FGGY: variants seen among roughly 807,000 people sequenced by gnomAD.
FGGY encodes FGGY carbohydrate kinase domain containing.
A neutral mutation model predicts 71.3 loss-of-function variants in FGGY; 72 were observed. The ratio of observed to expected loss-of-function variants is 1.01; its 90% CI spans 0.84 to 1.23. FGGY has a LOEUF of 1.23. Ranked by LOEUF, FGGY falls within the 50% of genes most tolerant of loss-of-function variation. FGGY has a pLI of 0.00. For synonymous variants in FGGY, 251 were observed against 250.3 expected, an observed-to-expected ratio of 1.00 and a Z score of -0.02; for missense variants, 668 against 682.3, an observed-to-expected ratio of 0.98 and a Z score of 0.23.
At chr1:59,636,024 A>G (rs2096955337) in intron 10 of FGGY, among the ~76,000 whole-genome samples, 1 of 152,192 alleles carries the variant, frequency 6.6e-6, no homozygotes, top group Admixed American at 6.5e-5. Context: ...CATTTAGGGA[A>G]TGGCAACTGG....
intron 6 of FGGY, among the ~76,000 whole-genome samples, chr1:59,477,679 G>A (rs529075197): frequency 6.6e-4 from 101 of 152,156 alleles, no homozygotes; most frequent in African/African-American, 2.0e-3. Context: ...TCTATTATGA[G>A]GGGGGAAAAA....
intron 7 of FGGY, among the ~76,000 whole-genome samples, chr1:59,550,103 T>C (rs2095585225): frequency 6.6e-6 from 1 of 152,206 alleles, no homozygotes; most frequent in East Asian, 1.9e-4. Flanking sequence ...TCACTGTTTT[T>C]TTATGCCTGT....
intron 9 of FGGY, among the ~76,000 whole-genome samples, chr1:59,616,711 G>A (rs1572156668): frequency 6.6e-6 from 1 of 151,456 alleles, no homozygotes; most frequent in African/African-American, 2.4e-5. Context: ...TTTGTGAGAG[G>A]GATTTATAGA....
chr1:59,493,813 C>T (rs1426287518), intron 6 of FGGY, among the ~76,000 whole-genome samples: 1 of 151,878 alleles, frequency 6.6e-6, no homozygotes, highest in Admixed American at 6.6e-5. Flanking sequence ...TATATTTTAC[C>T]ACAATTAAAA....
At chr1:59,720,184 A>C (rs901674356) in intron 14 of FGGY, among the ~76,000 whole-genome samples, 1 of 152,224 alleles carries the variant, frequency 6.6e-6, no homozygotes. Context: ...ATAGAGATAG[A>C]AAAGGCAACA....
intron 7 of FGGY, among the ~76,000 whole-genome samples, chr1:59,535,871 G>C (rs1211609602): frequency 6.8e-6 from 1 of 147,516 alleles, no homozygotes; most frequent in Non-Finnish European, 1.5e-5. Context: ...ATGCCCACAA[G>C]AGAAAGCAGG....
intron 4 of FGGY, among the ~76,000 whole-genome samples, chr1:59,350,018 A>C (rs1248051825): frequency 6.6e-6 from 1 of 151,600 alleles, no homozygotes; most frequent in Non-Finnish European, 1.5e-5. Context: ...CTTTTGGGGA[A>C]TCAGGGAATG....
rs561309781 is a variant in FGGY at position 59,658,359 on chromosome 1, A to G, written c.1222-1860A>G. 2.2e-4 allele frequency among the ~76,000 whole-genome samples: 33 copies of G among 152,338 alleles called. No individual in the cohort carries two copies. The South Asian group carries it at 5.4e-3, about 25-fold the overall frequency. On this transcript the variant is annotated intron_variant, in intron 11 of 15. Transcript: ENST00000303721. ...CACAGTTAATGGCTTAGGATGATTC[A>G]GCGCCAGAGTTCTTCTCGTGTCTCT...
chr1:59,539,931 A>T (rs1474608453), intron 7 of FGGY, among the ~76,000 whole-genome samples: 1 of 152,246 alleles, frequency 6.6e-6, no homozygotes, highest in Non-Finnish European at 1.5e-5. Flanking sequence ...AACAATGGTT[A>T]AATGTGTATA....
At chr1:59,421,159 A>C (rs1229548144) in intron 5 of FGGY, among the ~76,000 whole-genome samples, 1 of 152,194 alleles carries the variant, frequency 6.6e-6, no homozygotes, top group Admixed American at 6.5e-5. Context: ...AGTGTTAGAG[A>C]GGATACCTGT....
At chr1:59,301,353 G>GT (rs1452098751) in intron 1 of FGGY, among the ~76,000 whole-genome samples, 1 of 152,078 alleles carries the variant, frequency 6.6e-6, no homozygotes, top group East Asian at 1.9e-4. Context: ...GAGCATTTTT[G>GT]TAGATGCCAT....
intron 8 of FGGY, among the ~76,000 whole-genome samples, chr1:59,571,340 T>C (rs2095981931): frequency 6.6e-6 from 1 of 152,208 alleles, no homozygotes; most frequent in South Asian, 2.1e-4. Context: ...GTTTAGAGCA[T>C]TCACTCTGTG....
chr1:59,588,049 A>C (rs2096345464), intron 8 of FGGY, among the ~76,000 whole-genome samples: 2 of 152,228 alleles, frequency 1.3e-5, no homozygotes, highest in Admixed American at 6.5e-5. Context: ...ACTTTGAAAA[A>C]AATTCAGATG....
chr1:59,619,953 C>T (rs137933961), intron 9 of FGGY, among the ~76,000 whole-genome samples: 5 of 152,112 alleles, frequency 3.3e-5, no homozygotes, highest in Non-Finnish European at 7.4e-5. Flanking sequence ...GTAGAGCCAC[C>T]TTCAAACCTT....
At chr1:59,306,045 A>T (rs1475222254) in intron 1 of FGGY, among the ~76,000 whole-genome samples, 2 of 152,148 alleles carry the variant, frequency 1.3e-5, no homozygotes, top group Non-Finnish European at 1.5e-5. Flanking sequence ...AACTTGAGCC[A>T]TTGAAGGACT....
At chr1:59,422,559 G>A (rs1180649469) in intron 5 of FGGY, among the ~76,000 whole-genome samples, 1 of 151,934 alleles carries the variant, frequency 6.6e-6, no homozygotes, top group Admixed American at 6.6e-5. Flanking sequence ...GCCAGGTGAG[G>A]TAGTGCGTGC....
chr1:59,429,483 C>T (rs968937419), intron 5 of FGGY, among the ~76,000 whole-genome samples: 21 of 152,198 alleles, frequency 1.4e-4, no homozygotes, highest in Middle Eastern at 3.4e-3. Context: ...TCAAAACCGA[C>T]ATGAAAATAC....
intron 7 of FGGY, among the ~76,000 whole-genome samples, chr1:59,515,913 A>C (rs1197662891): frequency 6.6e-6 from 1 of 152,186 alleles, no homozygotes; most frequent in Non-Finnish European, 1.5e-5. Context: ...TAGTGGAAAG[A>C]TAGAATAGTT....
chr1:59,296,988 A>G (rs2042027765), upstream of FGGY: 1 of 152,936 alleles, frequency 6.5e-6, no homozygotes, highest in Non-Finnish European at 1.5e-5. Context: ...ACGCCCAGAA[A>G]GAGGCTTCTC....
Sources: allele counts gnomAD v4.1 joint callset (sites outside exome capture counted in the v4.1 genomes callset), GRCh38; gene constraint gnomAD v4.1.1; transcripts MANE v1.5; gene names NCBI Gene and HGNC (gene_info 2026-07-23, HGNC 2026-07-21).